Variants in SEMA6D observed in about 807,000 individuals in gnomAD.
The protein encoded by SEMA6D is semaphorin-6D.
SEMA6D carries 35 observed loss-of-function variants against 106.6 expected under a neutral mutation model. The observed-to-expected ratio is 0.33, with a 90% confidence interval of 0.25 to 0.44. The LOEUF is 0.44. Among genes scored for constraint, SEMA6D ranks in the 20% least tolerant of loss-of-function variants. The pLI, the probability that SEMA6D is intolerant of heterozygous loss-of-function variation, is 1.00. For missense variants in SEMA6D, 1,185 were observed against 1,345.9 expected (o/e 0.88, Z 1.87); for synonymous variants, 499 against 487.7 (o/e 1.02, Z -0.31).
chr15:47,468,955 A>G (rs2042745325), intron 2 of SEMA6D, among the ~76,000 whole-genome samples: 1 of 152,002 alleles, frequency 6.6e-6, no homozygotes, highest in Admixed American at 6.6e-5. Flanking sequence ...AAAGTCCTGG[A>G]TTTTCCTTTT....
intron 4 of SEMA6D, among the ~76,000 whole-genome samples, chr15:47,698,655 C>T (rs557229905): frequency 1.3e-5 from 2 of 152,280 alleles, no homozygotes; most frequent in Admixed American, 1.3e-4. Context: ...AGCTAATTCA[C>T]ATATATAAAG....
intron 2 of SEMA6D, among the ~76,000 whole-genome samples, chr15:47,444,628 C>A (rs573818910): frequency 6.6e-6 from 1 of 152,078 alleles, no homozygotes; most frequent in Non-Finnish European, 1.5e-5. Context: ...AATTCCTGTT[C>A]AAATAATATT....
intron 1 of SEMA6D, among the ~76,000 whole-genome samples, chr15:47,405,973 A>G (rs1007244658): frequency 6.6e-6 from 1 of 152,188 alleles, no homozygotes; most frequent in Non-Finnish European, 1.5e-5. Context: ...AGTACTTGCC[A>G]CACTTTCACT....
chr15:47,361,241 C>T (rs1454125488), intron 1 of SEMA6D, among the ~76,000 whole-genome samples: 2 of 152,100 alleles, frequency 1.3e-5, no homozygotes, highest in East Asian at 1.9e-4. Context: ...CTGTGACAGC[C>T]CCCTGAACAG....
intron 1 of SEMA6D, among the ~76,000 whole-genome samples, chr15:47,272,155 G>A (rs940635554): frequency 6.6e-6 from 1 of 152,162 alleles, no homozygotes; most frequent in Admixed American, 6.5e-5. Flanking sequence ...AAATGGAAAA[G>A]TTAGTTTGGA....
Position 47,292,094 on chromosome 15 carries a change from A to T in SEMA6D, c.-239+107676A>T, listed in dbSNP as rs1218888926. ...AAGTCATGTTATTTTTAGAAAACAG[A>T]AAAGCAAATAAATGTGTGAATAGAA... On this transcript the variant is annotated intron_variant, in intron 1 of 19. Coordinates refer to the SEMA6D transcript ENST00000558014. Among the ~76,000 whole-genome samples the T allele has an allele frequency of 3.3e-5, 5 of 152,270 alleles. No individual in the cohort carries two copies. The East Asian group carries it at 9.6e-4, about 29-fold the overall frequency.
At chr15:47,283,780 A>C (rs2035238468) in intron 1 of SEMA6D, among the ~76,000 whole-genome samples, 1 of 152,196 alleles carries the variant, frequency 6.6e-6, no homozygotes, top group Non-Finnish European at 1.5e-5. Flanking sequence ...GTGTTTAATC[A>C]TAGCCCACCT....
rs549576845 is a variant in SEMA6D, at chr15:47,773,490, G to C, written c.*1705G>C. Reference sequence around the variant, plus strand: ...TTGTTTAGTGAACCAAATCTAGAAAGTACCAAGGCAGAGGTATGCTCCTGC... The same window carrying C: ...TTGTTTAGTGAACCAAATCTAGAAACTACCAAGGCAGAGGTATGCTCCTGC... On this transcript the variant is annotated 3_prime_UTR_variant, in exon 19 of 19. Transcript: ENST00000536845. 1 of 152,546 alleles carries C rather than the reference G, an allele frequency of 6.6e-6. No individual in the cohort carries two copies. Among genetic ancestry groups the C allele is most frequent in the African/African-American group, 2.4e-5 (1 of 41,552 alleles). The allele number at this position is 152,546 out of a possible 1,614,324, so 9.4% of individuals were successfully genotyped here. A position where few individuals can be genotyped will look rare whatever the true frequency, so the allele number is the denominator to read the frequency against.
chr15:47,730,510 G>A, intron 1 of SEMA6D: 1 of 1,285,968 alleles, frequency 7.8e-7, no homozygotes. Context: ...CCACCAAGGT[G>A]GTGACGGTGT....
At chr15:47,709,783 A>G (rs1193075989) in intron 4 of SEMA6D, among the ~76,000 whole-genome samples, 1 of 152,116 alleles carries the variant, frequency 6.6e-6, no homozygotes, top group African/African-American at 2.4e-5. Context: ...CAATTTCTAG[A>G]ATTATCCCCC....
intron 4 of SEMA6D, among the ~76,000 whole-genome samples, chr15:47,701,188 T>C (rs2078802888): frequency 6.6e-6 from 1 of 152,166 alleles, no homozygotes; most frequent in Non-Finnish European, 1.5e-5. Flanking sequence ...TATTCCCAAA[T>C]GACATGTCTG....
intron 1 of SEMA6D, among the ~76,000 whole-genome samples, chr15:47,745,817 A>AC (rs1341361918): frequency 6.6e-6 from 1 of 152,248 alleles, no homozygotes; most frequent in Non-Finnish European, 1.5e-5. Flanking sequence ...AACCTAACTT[A>AC]CCATGGGCCA....
rs2082036222 is a variant in SEMA6D, at chr15:47,761,072, T to G, written c.282+34T>G. ...CTGTAGTTGGCAAATTTATTTACCT[T>G]CCCTCTGAACCTGATTAATTTTCCC... is the stretch of plus-strand genomic sequence containing the variant. On this transcript the variant is annotated intron_variant, in intron 4 of 18. Transcript: ENST00000536845. The G allele has an allele frequency of 3.7e-6, 6 of 1,611,812 alleles. No homozygotes were observed. The East Asian group carries it at 1.3e-4, about 36-fold the overall frequency.
chr15:47,383,970 C>T (rs1334524623), intron 1 of SEMA6D, among the ~76,000 whole-genome samples: 1 of 152,344 alleles, frequency 6.6e-6, no homozygotes, highest in East Asian at 1.9e-4. Context: ...GATTCACACA[C>T]ATAGAGTGTT....
rs982487671 is a variant in SEMA6D, at chr15:47,347,573, C to G, written c.-238-64820C>G. Among the ~76,000 whole-genome samples the G allele has an allele frequency of 2.4e-4, 32 of 131,220 alleles. 1 individual carries two copies. The highest frequency in any genetic ancestry group is 1.1e-3 in the African/African-American group (31 of 28,122). The allele number at this position is 131,220 out of a possible 152,430, so 86.1% of individuals were successfully genotyped here. A position where few individuals can be genotyped will look rare whatever the true frequency, so the allele number is the denominator to read the frequency against. The stretch of plus-strand genomic sequence containing the variant: ...AATAAAAGTGTTCAAAGTAATAGTG[C>G]TTTATTCTCTGTTTTTTGTTTTTTG... On this transcript the variant is annotated intron_variant, in intron 1 of 19. Coordinates refer to the SEMA6D transcript ENST00000558014.
intron 2 of SEMA6D, among the ~76,000 whole-genome samples, chr15:47,452,379 A>G (rs1032557764): frequency 1.3e-5 from 2 of 150,776 alleles, no homozygotes; most frequent in Admixed American, 6.6e-5. Context: ...TGCAGCTTTG[A>G]CACTTAGCAT....
chr15:47,226,098 T>C (rs992418598), intron 1 of SEMA6D, among the ~76,000 whole-genome samples: 3 of 152,020 alleles, frequency 2.0e-5, no homozygotes, highest in African/African-American at 7.2e-5. Flanking sequence ...ACCACATCTT[T>C]ATAAAAGAAG....
intron 1 of SEMA6D, among the ~76,000 whole-genome samples, chr15:47,297,503 A>C (rs2219152): frequency 0.99 from 150,717 of 152,276 alleles, 74,598 homozygotes; most frequent in Middle Eastern, 1. Context: ...AAACGACATG[A>C]TGTTTTGCCT....
chr15:47,466,469 G>GAC (rs1034236420), intron 2 of SEMA6D, among the ~76,000 whole-genome samples: 8 of 152,058 alleles, frequency 5.3e-5, no homozygotes, highest in African/African-American at 1.9e-4. Context: ...CATTCATGTT[G>GAC]ACACAAATGG....
Sources: gnomAD v4.1 joint callset for allele counts (sites outside exome capture counted in the v4.1 genomes callset) on GRCh38, gnomAD v4.1.1 for gene constraint, MANE v1.5 for transcripts, NCBI Gene and HGNC (gene_info 2026-07-23, HGNC 2026-07-21) for gene names.